FYB1: variants seen among roughly 807,000 people sequenced by gnomAD.
FYB1 encodes FYN-binding protein 1.
In FYB1, 41 loss-of-function variants were observed where a neutral mutation model predicts 94.1. That is an observed-to-expected ratio of 0.44 (90% CI 0.34 to 0.57). The LOEUF is 0.57. Ranked by LOEUF, FYB1 falls within the 20% of genes least tolerant of loss-of-function variation. The pLI is 0.02. For missense variants in FYB1, 1,050 were observed against 976.8 expected (o/e 1.07, Z -1.00); for synonymous variants, 367 against 353.2 (o/e 1.04, Z -0.44).
chr5:39,190,802 T>C (rs1247580996), intron 2 of FYB1, among the ~76,000 whole-genome samples: 1 of 49,010 alleles, frequency 2.0e-5, no homozygotes, highest in Non-Finnish European at 6.7e-5. Context: ...GAGAGAGAGA[T>C]GTTGGCTTTG....
At chr5:39,157,499 C>T (rs900418560) in intron 2 of FYB1, among the ~76,000 whole-genome samples, 8 of 151,996 alleles carry the variant, frequency 5.3e-5, no homozygotes, top group African/African-American at 1.9e-4. Context: ...GAAATAGGCT[C>T]TTAAAGATGA....
chr5:39,170,287 T>C, intron 2 of FYB1: 3 of 1,379,652 alleles, frequency 2.2e-6, no homozygotes. Context: ...ATCAACTCAG[T>C]TTAAAAGATC....
intron 2 of FYB1, among the ~76,000 whole-genome samples, chr5:39,200,902 C>A (rs547019840): frequency 1.6e-4 from 25 of 152,236 alleles, no homozygotes; most frequent in Middle Eastern, 6.8e-3. Context: ...CATCATTTAC[C>A]TAAAATATTA....
At chr5:39,116,925 A>C (rs903575496) in intron 16 of FYB1, among the ~76,000 whole-genome samples, 11 of 152,096 alleles carry the variant, frequency 7.2e-5, no homozygotes, top group Non-Finnish European at 1.5e-5. Flanking sequence ...AAGTTGGAGG[A>C]ATGTTGCTTT....
intron 2 of FYB1, among the ~76,000 whole-genome samples, chr5:39,198,454 A>G (rs1748019746): frequency 6.6e-6 from 1 of 152,216 alleles, no homozygotes; most frequent in African/African-American, 2.4e-5. Context: ...AAACATTTTG[A>G]AAGTCCTTTG....
intron 1 of FYB1, among the ~76,000 whole-genome samples, chr5:39,235,954 T>C (rs1301971032): frequency 1.3e-5 from 2 of 152,046 alleles, no homozygotes; most frequent in South Asian, 2.1e-4. Flanking sequence ...AACTGTGCAA[T>C]TGAGGAACTA....
intron 1 of FYB1, among the ~76,000 whole-genome samples, chr5:39,254,909 G>T (rs1297829391): frequency 6.6e-6 from 1 of 152,156 alleles, no homozygotes. Flanking sequence ...ACCTGATCTG[G>T]CAGAGGGGAA....
chr5:39,202,431 T>G lies in FYB1; in HGVS notation c.530A>C (p.Lys177Thr). Residue 177 changes from lysine (K) to threonine (T), a missense_variant, in exon 2 of 19, where the codon AAA becomes ACA. Transcript: ENST00000512982. Reference protein sequence around the residue: ...KQAFPKLTGVKGKFMSASQDL... With the variant: ...KQAFPKLTGVTGKFMSASQDL... ...TTGTGATGCTGACATAAATTTCCCT[T>G]TAACCCCAGTCAATTTGGGAAACGC... 1 of 1,613,872 alleles carries G rather than the reference T, an allele frequency of 6.2e-7. No homozygotes were observed. The highest frequency in any genetic ancestry group is 8.5e-7 in the Non-Finnish European group (1 of 1,179,862).
In FYB1 at chr5:39,219,498, C is replaced by T; in HGVS notation, c.-83G>A. 1 of 985,506 alleles carries T rather than the reference C, an allele frequency of 1.0e-6. No homozygotes were observed. The allele number at this position is 985,506 out of a possible 1,614,324, so 61.0% of individuals were successfully genotyped here. A position where few individuals can be genotyped will look rare whatever the true frequency, so the allele number is the denominator to read the frequency against. On this transcript the variant is annotated 5_prime_UTR_variant, in exon 1 of 19. Transcript: ENST00000512982. ...GCCTCCTTTAGTGGATCTTCCTGGG[C>T]CAGGGTCTGGGCCCTACTCACTTCT... is the stretch of plus-strand genomic sequence containing the variant.
At chr5:39,177,521 A>G (rs1321864291) in intron 2 of FYB1, among the ~76,000 whole-genome samples, 2 of 152,198 alleles carry the variant, frequency 1.3e-5, no homozygotes, top group Non-Finnish European at 2.9e-5. Context: ...ACCTAACCAC[A>G]TTGCTCAATG....
chr5:39,234,029 G>C (rs1750855359), intron 1 of FYB1, among the ~76,000 whole-genome samples: 1 of 152,082 alleles, frequency 6.6e-6, no homozygotes, highest in African/African-American at 2.4e-5. Flanking sequence ...GGGGTTTACT[G>C]TTATCTGTGG....
At chr5:39,235,605 A>G (rs1231461375) in intron 1 of FYB1, among the ~76,000 whole-genome samples, 2 of 150,736 alleles carry the variant, frequency 1.3e-5, no homozygotes, top group Admixed American at 1.3e-4. Context: ...GATGCTAGAC[A>G]CCTGAGTAGA....
chr5:39,225,781 G>C (rs1750445756), intron 1 of FYB1, among the ~76,000 whole-genome samples: 1 of 152,076 alleles, frequency 6.6e-6, no homozygotes, highest in Non-Finnish European at 1.5e-5. Flanking sequence ...ATTTTATTTT[G>C]GAGGCAACTG....
intron 10 of FYB1, among the ~76,000 whole-genome samples, chr5:39,130,175 A>G (rs1741064388): frequency 6.6e-6 from 1 of 152,064 alleles, no homozygotes; most frequent in Non-Finnish European, 1.5e-5. Context: ...TACTGCATGT[A>G]CTCACACATA....
intron 1 of FYB1, among the ~76,000 whole-genome samples, chr5:39,206,391 AG>A (rs1219860279): frequency 6.6e-6 from 1 of 152,234 alleles, no homozygotes; most frequent in African/African-American, 2.4e-5. Context: ...AATAATAGGT[AG>A]TTTTTTTCTT....
At chr5:39,118,130 C>T (rs1455460431) in intron 16 of FYB1, among the ~76,000 whole-genome samples, 1 of 152,132 alleles carries the variant, frequency 6.6e-6, no homozygotes, top group Non-Finnish European at 1.5e-5. Flanking sequence ...TCTCAAACTC[C>T]TGAGCTCAAG....
At chr5:39,108,803 T>C (rs891304053) in intron 17 of FYB1, among the ~76,000 whole-genome samples, 8 of 152,080 alleles carry the variant, frequency 5.3e-5, no homozygotes, top group African/African-American at 1.9e-4. Context: ...CTTATGTAAT[T>C]TTAAAACTAT....
intron 16 of FYB1, among the ~76,000 whole-genome samples, chr5:39,115,092 C>T (rs1739403573): frequency 7.6e-6 from 1 of 130,980 alleles, no homozygotes; most frequent in African/African-American, 2.7e-5. Flanking sequence ...TAGGATGAAA[C>T]ACATAATTTT....
rs144507063 is a variant in FYB1 at position 39,117,540 on chromosome 5, C to T, written c.2401+1334G>A. Among the ~76,000 whole-genome samples, 636 of 152,250 alleles carry T rather than the reference C, an allele frequency of 4.2e-3. 3 individuals carry two copies. The highest frequency in any genetic ancestry group is 0.014 in the African/African-American group (600 of 41,536). ...AACTTCCAATCTTAATATTACACTGCCACTGCCCTTTATCTTTTGTACCCA... is the reference window on the plus strand; with the variant it reads ...AACTTCCAATCTTAATATTACACTGTCACTGCCCTTTATCTTTTGTACCCA... On this transcript the variant is annotated intron_variant, in intron 16 of 18. Transcript: ENST00000512982.
Sources: allele counts gnomAD v4.1 joint callset (sites outside exome capture counted in the v4.1 genomes callset), GRCh38; gene constraint gnomAD v4.1.1; transcripts MANE v1.5; gene names NCBI Gene and HGNC (gene_info 2026-07-23, HGNC 2026-07-21).